PDZRN4: variants seen among roughly 807,000 people sequenced by gnomAD.
PDZRN4 encodes the protein PDZ domain containing ring finger 4.
Under a neutral mutation model 99.0 loss-of-function variants are expected in PDZRN4, and 70 were observed. The observed-to-expected ratio is 0.71, with a 90% CI of 0.58 to 0.86. PDZRN4 has a LOEUF of 0.86. Ranked by LOEUF, PDZRN4 falls within the 40% of genes least tolerant of loss-of-function variation. PDZRN4 has a pLI of 0.00. For synonymous variants in PDZRN4, 551 were observed against 501.6 expected (o/e 1.10, Z -1.32); for missense variants, 1,474 against 1,331.2 (o/e 1.11, Z -1.67).
chr12:41,347,472 G>A (rs888606100), intron 3 of PDZRN4, among the ~76,000 whole-genome samples: 2 of 152,022 alleles, frequency 1.3e-5, no homozygotes, highest in African/African-American at 4.8e-5. Context: ...CAAATCCTTA[G>A]CCTACTTTTA....
intron 3 of PDZRN4, among the ~76,000 whole-genome samples, chr12:41,319,372 G>A (rs1325367486): frequency 1.3e-5 from 2 of 152,086 alleles, no homozygotes; most frequent in Non-Finnish European, 2.9e-5. Flanking sequence ...AGAAGCCTAT[G>A]ACCTGCTCTC....
At chr12:41,475,924 A>C (rs1028417016) in intron 3 of PDZRN4, among the ~76,000 whole-genome samples, 9 of 152,106 alleles carry the variant, frequency 5.9e-5, no homozygotes, top group African/African-American at 2.2e-4. Context: ...TTGGTATTTT[A>C]AGCTATAGTT....
At chr12:41,378,411 A>C (rs1952097212) in intron 3 of PDZRN4, among the ~76,000 whole-genome samples, 1 of 152,018 alleles carries the variant, frequency 6.6e-6, no homozygotes, top group Admixed American at 6.6e-5. Flanking sequence ...TCTGTTCATC[A>C]GAGATATTGG....
At chr12:41,311,096 A>G (rs1951603833) in intron 3 of PDZRN4, among the ~76,000 whole-genome samples, 2 of 152,166 alleles carry the variant, frequency 1.3e-5, no homozygotes, top group Admixed American at 1.3e-4. Context: ...TGAAAGCATT[A>G]AATAATTTGA....
chr12:41,554,616 C>G lies in PDZRN4; in HGVS notation c.1303-1082C>G, dbSNP rs10506196. Reference sequence around the variant, plus strand: ...CAACAAGCCTAAATAAAGTTTGAAGCCATCACATGAAATCTGATAGATGAA... The same window carrying G: ...CAACAAGCCTAAATAAAGTTTGAAGGCATCACATGAAATCTGATAGATGAA... On this transcript the variant is annotated intron_variant, in intron 6 of 9. Coordinates refer to ENST00000402685, the MANE Select transcript of PDZRN4 (RefSeq NM_001164595.2). Among the ~76,000 whole-genome samples, 1,150 of 151,942 alleles carry G rather than the reference C, an allele frequency of 7.6e-3. 50 individuals carry two copies. In the East Asian group the frequency reaches 0.13, roughly 18 times the overall value.
chr12:41,208,244 T>C (rs755738175), intron 3 of PDZRN4, among the ~76,000 whole-genome samples: 1 of 151,966 alleles, frequency 6.6e-6, no homozygotes, highest in African/African-American at 2.4e-5. Context: ...AGCTTTACAA[T>C]TAAGACTTGA....
intron 7 of PDZRN4, 143 bp from the exon 8 acceptor site, chr12:41,563,405 C>T: frequency 1.6e-6 from 1 of 632,280 alleles, no homozygotes; most frequent in Non-Finnish European, 2.8e-6. Context: ...AGTGAAGGCA[C>T]TTTGAGCTGA....
chr12:41,351,329 G>A (rs2897268), intron 3 of PDZRN4, among the ~76,000 whole-genome samples: 64,166 of 151,940 alleles, frequency 0.42, 16,051 homozygotes, highest in Middle Eastern at 0.65. Flanking sequence ...AGCTTCTTCT[G>A]TAAAGAGTTT....
chr12:41,189,040 G>T lies in PDZRN4; in HGVS notation c.585G>T (p.Lys195Asn). The change falls in exon 1 of 10, where the codon AAG (lysine) becomes AAT (asparagine). Residue 195 changes from lysine to asparagine, a missense_variant. Transcript: ENST00000402685. ...TCACGGCGCGCAGGTACCAGGAGAA[G>T]TTCACCCAATACATGGCTCACGTCC... The part of the protein sequence containing the change: ...VQLTARRYQE[K>N]FTQYMAHVRN... The T allele has an allele frequency of 6.4e-7, 1 of 1,574,352 alleles. No homozygotes were observed. Among genetic ancestry groups the T allele is most frequent in the Non-Finnish European group, 8.6e-7 (1 of 1,168,406 alleles).
chr12:41,520,508 T>C (rs956964352), intron 5 of PDZRN4, among the ~76,000 whole-genome samples: 1 of 152,082 alleles, frequency 6.6e-6, no homozygotes, highest in Non-Finnish European at 1.5e-5. Context: ...TCTCACTTTT[T>C]CAGAAAGTTG....
chr12:41,252,653 T>C (rs1951178363), intron 3 of PDZRN4, among the ~76,000 whole-genome samples: 1 of 152,104 alleles, frequency 6.6e-6, no homozygotes, highest in East Asian at 1.9e-4. Context: ...GGGAGGAGAA[T>C]TGCTTGAACC....
chr12:41,348,668 C>T (rs1444664066), intron 3 of PDZRN4, among the ~76,000 whole-genome samples: 3 of 152,042 alleles, frequency 2.0e-5, no homozygotes, highest in Non-Finnish European at 4.4e-5. Flanking sequence ...CTGCTGCATA[C>T]TTAAGTGATA....
intron 3 of PDZRN4, among the ~76,000 whole-genome samples, chr12:41,218,422 C>T (rs1469740578): frequency 1.3e-5 from 2 of 152,076 alleles, no homozygotes; most frequent in South Asian, 2.1e-4. Context: ...AAGGTGAAAA[C>T]GTTCATTCTG....
intron 3 of PDZRN4, among the ~76,000 whole-genome samples, chr12:41,475,526 C>A (rs1052902069): frequency 1.3e-5 from 2 of 152,172 alleles, no homozygotes; most frequent in Admixed American, 6.5e-5. Context: ...GAAACACATT[C>A]TTTGCAGCTT....
chr12:41,269,227 A>G (rs1951298388), intron 3 of PDZRN4, among the ~76,000 whole-genome samples: 1 of 152,210 alleles, frequency 6.6e-6, no homozygotes, highest in Non-Finnish European at 1.5e-5. Context: ...CACTTTCTAT[A>G]AAGTAGACTT....
chr12:41,214,661 T>A (rs1270627339), intron 3 of PDZRN4, among the ~76,000 whole-genome samples: 1 of 151,964 alleles, frequency 6.6e-6, no homozygotes, highest in Admixed American at 6.6e-5. Flanking sequence ...ACTACATTTA[T>A]GAAATGTTAG....
At chr12:41,547,395 G>C (rs569069223) in intron 5 of PDZRN4, among the ~76,000 whole-genome samples, 2 of 152,264 alleles carry the variant, frequency 1.3e-5, no homozygotes, top group Admixed American at 1.3e-4. Context: ...GGAGGCCAAG[G>C]CTGGCAGATC....
At chr12:41,235,461 G>A (rs144380168) in intron 3 of PDZRN4, among the ~76,000 whole-genome samples, 105 of 152,166 alleles carry the variant, frequency 6.9e-4, no homozygotes, top group African/African-American at 2.5e-3. Flanking sequence ...CCACACATTC[G>A]AAAAACTTAG....
At chr12:41,426,435 C>T (rs1030343204) in intron 3 of PDZRN4, among the ~76,000 whole-genome samples, 3 of 152,206 alleles carry the variant, frequency 2.0e-5, no homozygotes, top group African/African-American at 7.2e-5. Context: ...ACTGACTCTT[C>T]ATTCATGGCA....
Sources: gnomAD v4.1 joint callset for allele counts (sites outside exome capture counted in the v4.1 genomes callset) on GRCh38, gnomAD v4.1.1 for gene constraint, MANE v1.5 for transcripts, NCBI Gene and HGNC (gene_info 2026-07-23, HGNC 2026-07-21) for gene names.